ASIP: variants seen among roughly 807,000 people sequenced by gnomAD.
ASIP encodes the protein agouti-signaling protein.
A neutral mutation model predicts 10.3 loss-of-function variants in ASIP; 11 were observed. That is an observed-to-expected ratio of 1.07 (90% CI 0.68 to 1.78). ASIP has a LOEUF of 1.78. Ranked by LOEUF, ASIP falls within the 40% of genes most tolerant of loss-of-function variation. The pLI is 0.00. For synonymous variants in ASIP, 70 were observed against 70.8 expected (o/e 0.99, Z 0.06); for missense variants, 180 against 169.2 (o/e 1.06, Z -0.35).
chr20:34,255,794 G>C (rs996322921), intron 1 of ASIP, among the ~76,000 whole-genome samples: 1 of 152,216 alleles, frequency 6.6e-6, no homozygotes, highest in African/African-American at 2.4e-5. Context: ...AGTAATGCCA[G>C]CACCTGGGAA....
At chr20:34,255,396 A>G (rs1467366656) in intron 1 of ASIP, among the ~76,000 whole-genome samples, 1 of 151,848 alleles carries the variant, frequency 6.6e-6, no homozygotes, top group Non-Finnish European at 1.5e-5. Flanking sequence ...GGTTCAAGCA[A>G]TCCTCCCTCC....
chr20:34,204,948 C>T (rs1008472063), intron 1 of ASIP, among the ~76,000 whole-genome samples: 4 of 152,186 alleles, frequency 2.6e-5, no homozygotes, highest in African/African-American at 9.6e-5. Flanking sequence ...TCACCTCAAG[C>T]ATTTATCATT....
intron 1 of ASIP, among the ~76,000 whole-genome samples, chr20:34,202,989 T>C (rs1601570020): frequency 6.6e-6 from 1 of 151,944 alleles, no homozygotes; most frequent in African/African-American, 2.4e-5. Flanking sequence ...TTTGTATTTT[T>C]AGTAGCGACG....
upstream of ASIP, among the ~76,000 whole-genome samples, chr20:34,239,861 G>A (rs1271667306): frequency 2.0e-5 from 3 of 152,190 alleles, no homozygotes; most frequent in African/African-American, 7.2e-5. Context: ...AATGTTTATT[G>A]CAGGGCCCCA....
chr20:34,233,827 T>A (rs1601582841), intron 1 of ASIP, among the ~76,000 whole-genome samples: 1 of 152,194 alleles, frequency 6.6e-6, no homozygotes, highest in East Asian at 1.9e-4. Flanking sequence ...AACCATTACC[T>A]GAGAAAAAGT....
intron 1 of ASIP, chr20:34,215,506 A>T: frequency 2.0e-6 from 3 of 1,532,284 alleles, no homozygotes; most frequent in Non-Finnish European, 2.7e-6. Context: ...CACTACTGAG[A>T]GAATGTCAAA....
In ASIP at chr20:34,258,900, G is replaced by A. The variant is rs1295988861; in HGVS notation, c.-10-1465G>A. ...ATATATATAGTATTATATATATAGT[G>A]TATATATATATACACACATACACAC... On this transcript the variant is annotated intron_variant, in intron 1 of 3. Transcript: ENST00000374954. Among the ~76,000 whole-genome samples the A allele has an allele frequency of 5.4e-5, 7 of 129,534 alleles. 1 individual carries two copies. The South Asian group carries it at 1.6e-3, about 30-fold the overall frequency. 85.0% of individuals were successfully genotyped at this position (129,534 alleles called of 152,430 possible).
chr20:34,257,632 A>G (rs1331226158), intron 1 of ASIP, among the ~76,000 whole-genome samples: 2 of 152,124 alleles, frequency 1.3e-5, no homozygotes. Context: ...ATCTTTATGA[A>G]TTCTAGACAG....
intron 1 of ASIP, among the ~76,000 whole-genome samples, chr20:34,206,202 G>T (rs1003248455): frequency 6.6e-6 from 1 of 151,998 alleles, no homozygotes; most frequent in Admixed American, 6.6e-5. Context: ...TCACTATGTT[G>T]GCCGGACTGG....
At chr20:34,247,802 G>A (rs1475416497) in intron 1 of ASIP, among the ~76,000 whole-genome samples, 1 of 151,984 alleles carries the variant, frequency 6.6e-6, no homozygotes, top group Non-Finnish European at 1.5e-5. Context: ...TTGCCGTGTT[G>A]CCCAGGCTGG....
chr20:34,215,426 G>C, intron 1 of ASIP: 1 of 1,531,884 alleles, frequency 6.5e-7, no homozygotes, highest in South Asian at 1.1e-5. Flanking sequence ...ACCACATCAC[G>C]ATCCACCAAC....
intron 1 of ASIP, among the ~76,000 whole-genome samples, chr20:34,258,367 T>A (rs1201086841): frequency 6.7e-6 from 1 of 149,606 alleles, no homozygotes; most frequent in African/African-American, 2.5e-5. Context: ...TTTAATAGAA[T>A]CATTTAAAAA....
At chr20:34,193,369 G>A (rs545731037), upstream of ASIP, among the ~76,000 whole-genome samples, 2 of 152,202 alleles carry the variant, frequency 1.3e-5, no homozygotes, top group African/African-American at 2.4e-5. Context: ...GGAACCAGGG[G>A]GTCCCAGAGA....
chr20:34,249,054 T>C (rs1403394952), intron 1 of ASIP, among the ~76,000 whole-genome samples: 1 of 150,336 alleles, frequency 6.7e-6, no homozygotes, highest in Non-Finnish European at 1.5e-5. Flanking sequence ...GCTTGAACCC[T>C]GAAGGCAGAG....
intron 1 of ASIP, among the ~76,000 whole-genome samples, chr20:34,207,453 T>C (rs916738780): frequency 6.6e-6 from 1 of 152,244 alleles, no homozygotes; most frequent in African/African-American, 2.4e-5. Context: ...GACTAGTGTG[T>C]ATTAATATTT....
chr20:34,205,067 T>G (rs1001978329), intron 1 of ASIP, among the ~76,000 whole-genome samples: 1 of 152,244 alleles, frequency 6.6e-6, no homozygotes, highest in Non-Finnish European at 1.5e-5. Context: ...CAAGTGTGCC[T>G]GGAATTGGTG....
At chr20:34,248,003 C>T (rs1281133918) in intron 1 of ASIP, among the ~76,000 whole-genome samples, 1 of 152,084 alleles carries the variant, frequency 6.6e-6, no homozygotes, top group Non-Finnish European at 1.5e-5. Flanking sequence ...ATCAAGAGTT[C>T]GAGACCAGCC....
chr20:34,244,397 A>G (rs138816222), intron 1 of ASIP, among the ~76,000 whole-genome samples: 1 of 152,302 alleles, frequency 6.6e-6, no homozygotes, highest in South Asian at 2.1e-4. Context: ...TAGCCAGAAT[A>G]AGAACCTCTA....
At chr20:34,204,971 G>T (rs1468655545) in intron 1 of ASIP, among the ~76,000 whole-genome samples, 1 of 152,148 alleles carries the variant, frequency 6.6e-6, no homozygotes, top group East Asian at 1.9e-4. Context: ...TTTGTGTTGG[G>T]AACATTCCAA....
Sources: allele counts gnomAD v4.1 joint callset (sites outside exome capture counted in the v4.1 genomes callset), GRCh38; gene constraint gnomAD v4.1.1; transcripts MANE v1.5; gene names NCBI Gene and HGNC (gene_info 2026-07-23, HGNC 2026-07-21).